Variants in CAMKMT observed in about 807,000 individuals in gnomAD.
CAMKMT encodes calmodulin-lysine N-methyltransferase.
A neutral mutation model predicts 48.0 loss-of-function variants in CAMKMT; 53 were observed. That is an observed-to-expected ratio of 1.10 (90% CI 0.89 to 1.39). The LOEUF (loss-of-function observed/expected upper bound fraction) is 1.39. CAMKMT is among the 40% of genes most tolerant of loss of function. CAMKMT has a pLI of 0.00. For synonymous variants in CAMKMT, 165 were observed against 152.3 expected, an observed-to-expected ratio of 1.08 and a Z score of -0.61; for missense variants, 428 against 402.7, an observed-to-expected ratio of 1.06 and a Z score of -0.54.
chr2:44,519,483 G>T (rs183844256), intron 3 of CAMKMT, among the ~76,000 whole-genome samples: 148 of 152,270 alleles, frequency 9.7e-4, no homozygotes, highest in African/African-American at 3.4e-3. Context: ...AATATTTTAT[G>T]TTTATTTTTG....
intron 2 of CAMKMT, among the ~76,000 whole-genome samples, chr2:44,376,044 T>C (rs1679656047): frequency 1.3e-5 from 2 of 151,420 alleles, no homozygotes; most frequent in Non-Finnish European, 2.9e-5. Flanking sequence ...TGCCTTGGCC[T>C]CCCAAAGTGC....
At chr2:44,552,480 C>T (rs893180698) in intron 3 of CAMKMT, among the ~76,000 whole-genome samples, 4 of 152,046 alleles carry the variant, frequency 2.6e-5, no homozygotes, top group Admixed American at 2.6e-4. Context: ...AATAACAACT[C>T]CAAAATCCTG....
intron 3 of CAMKMT, among the ~76,000 whole-genome samples, chr2:44,508,221 TCA>T (rs1440776603): frequency 2.6e-5 from 4 of 152,196 alleles, no homozygotes; most frequent in Non-Finnish European, 2.9e-5. Context: ...CTAGGGAGAA[TCA>T]CAGTGCCTTA....
intron 3 of CAMKMT, among the ~76,000 whole-genome samples, chr2:44,589,295 A>G (rs1382259469): frequency 2.5e-4 from 12 of 48,470 alleles, no homozygotes; most frequent in Non-Finnish European, 3.0e-4. Context: ...CAGCCGCCCC[A>G]TCCGGGAGGT....
At chr2:44,690,471 T>G (rs1676581574) in intron 3 of CAMKMT, among the ~76,000 whole-genome samples, 1 of 152,204 alleles carries the variant, frequency 6.6e-6, no homozygotes, top group South Asian at 2.1e-4. Flanking sequence ...GAGACTGGGC[T>G]CTAGAGTTAG....
chr2:44,614,627 A>G (rs772899703), intron 3 of CAMKMT, among the ~76,000 whole-genome samples: 4 of 152,206 alleles, frequency 2.6e-5, no homozygotes, highest in Non-Finnish European at 4.4e-5. Flanking sequence ...GAAGGGGATG[A>G]AATCTGCTGG....
chr2:44,721,612 G>A (rs1678463606), intron 7 of CAMKMT, among the ~76,000 whole-genome samples: 2 of 152,254 alleles, frequency 1.3e-5, no homozygotes, highest in South Asian at 4.1e-4. Flanking sequence ...ATGGCTTTTA[G>A]TGTATTCACA....
chr2:44,432,883 T>TA (rs1025490958), intron 3 of CAMKMT, among the ~76,000 whole-genome samples: 1 of 152,146 alleles, frequency 6.6e-6, no homozygotes, highest in African/African-American at 2.4e-5. Context: ...ACTAAGATGT[T>TA]ACTGTTAATT....
chr2:44,403,548 C>T (rs1410220661), intron 3 of CAMKMT, among the ~76,000 whole-genome samples: 1 of 152,184 alleles, frequency 6.6e-6, no homozygotes, highest in Non-Finnish European at 1.5e-5. Flanking sequence ...CTTAGCTTCT[C>T]ACTACTGCTG....
At chr2:44,465,756 A>C (rs1248891014) in intron 3 of CAMKMT, among the ~76,000 whole-genome samples, 1 of 152,202 alleles carries the variant, frequency 6.6e-6, no homozygotes, top group African/African-American at 2.4e-5. Flanking sequence ...TAGCTGATTT[A>C]ATTATAAAAA....
intron 3 of CAMKMT, among the ~76,000 whole-genome samples, chr2:44,413,651 CAA>C (rs201616176): frequency 1.4e-4 from 11 of 76,328 alleles, no homozygotes; most frequent in Admixed American, 1.5e-4. Flanking sequence ...GACTCCGTCT[CAA>C]AAAAAAAAAA....
At chr2:44,707,998 A>G (rs1341217247) in intron 6 of CAMKMT, among the ~76,000 whole-genome samples, 1 of 152,126 alleles carries the variant, frequency 6.6e-6, no homozygotes, top group Non-Finnish European at 1.5e-5. Context: ...GGATTATACA[A>G]GCTATCTCTA....
intron 8 of CAMKMT, among the ~76,000 whole-genome samples, chr2:44,748,289 GC>G (rs1680000236): frequency 6.6e-6 from 1 of 152,200 alleles, no homozygotes; most frequent in Non-Finnish European, 1.5e-5. Context: ...TGGAATGTGT[GC>G]CGTGTGTTAA....
chr2:44,511,159 C>A (rs985184429), intron 3 of CAMKMT, among the ~76,000 whole-genome samples: 6 of 151,710 alleles, frequency 4.0e-5, no homozygotes, highest in Admixed American at 2.0e-4. Context: ...CAATCTTATG[C>A]CTTTTCATCC....
At chr2:44,483,361 T>C (rs960748433) in intron 3 of CAMKMT, among the ~76,000 whole-genome samples, 2 of 152,164 alleles carry the variant, frequency 1.3e-5, no homozygotes, top group Non-Finnish European at 2.9e-5. Flanking sequence ...TTTTGAGGTA[T>C]AGGGATCCAA....
At chr2:44,611,104 C>T (rs530420297) in intron 3 of CAMKMT, among the ~76,000 whole-genome samples, 30 of 152,134 alleles carry the variant, frequency 2.0e-4, no homozygotes, top group African/African-American at 7.2e-4. Flanking sequence ...TTCCTGAAGG[C>T]ATATTCTATG....
At chr2:44,373,813 T>C (rs925987336) in intron 2 of CAMKMT, among the ~76,000 whole-genome samples, 1 of 151,890 alleles carries the variant, frequency 6.6e-6, no homozygotes, top group African/African-American at 2.4e-5. Flanking sequence ...TAGAATCTGG[T>C]TTTATAATAC....
intron 3 of CAMKMT, among the ~76,000 whole-genome samples, chr2:44,676,950 T>C (rs577143508): frequency 6.6e-6 from 1 of 152,312 alleles, no homozygotes; most frequent in East Asian, 1.9e-4. Context: ...CTCTCAGAAT[T>C]CTCTGCAGGA....
intron 3 of CAMKMT, among the ~76,000 whole-genome samples, chr2:44,598,806 G>C (rs942644281): frequency 1.3e-5 from 2 of 150,468 alleles, no homozygotes; most frequent in African/African-American, 4.9e-5. Context: ...AATAAATAAA[G>C]TCATGGTTTC....
Sources: allele counts gnomAD v4.1 joint callset (sites outside exome capture counted in the v4.1 genomes callset), GRCh38; gene constraint gnomAD v4.1.1; transcripts MANE v1.5; gene names NCBI Gene and HGNC (gene_info 2026-07-23, HGNC 2026-07-21).